The following AP3S1 variants were observed in gnomAD, a reference collection of about 807,000 sequenced individuals.
The protein encoded by AP3S1 is adaptor related protein complex 3 subunit sigma 1.
Under a neutral mutation model 21.3 loss-of-function variants are expected in AP3S1, and 12 were observed. The ratio of observed to expected loss-of-function variants is 0.56; its 90% CI spans 0.36 to 0.91. The LOEUF (loss-of-function observed/expected upper bound fraction) is 0.91, where lower values mean the gene tolerates loss of function less well. AP3S1 is among the 40% of genes least tolerant of loss of function. AP3S1 has a pLI of 0.01. For synonymous variants in AP3S1, 48 were observed against 78.4 expected (o/e 0.61, Z 2.05); for missense variants, 116 against 225.0 (o/e 0.52, Z 3.10).
chr5:115,851,898 T>A lies in AP3S1; in HGVS notation c.69+9792T>A, dbSNP rs535602118. On this transcript the variant is annotated intron_variant, in intron 1 of 5. Transcript: ENST00000316788. ...GTATCATACCCAGAAAATATTTTTT[T>A]AATTACTATATAATAGTACATTGTA... Among the ~76,000 whole-genome samples the A allele has an allele frequency of 2.6e-5, 4 of 152,232 alleles. No homozygotes were observed. In the East Asian group the frequency reaches 7.7e-4, roughly 29 times the overall value.
In AP3S1 at chr5:115,841,970, C is replaced by CCA; in HGVS notation, c.-68_-67insCA. 1.4e-6 allele frequency: 2 copies of CCA among 1,462,000 alleles called. No homozygotes were observed. Among genetic ancestry groups the CCA allele is most frequent in the Non-Finnish European group, 9.1e-7 (1 of 1,101,402 alleles). The allele number at this position is 1,462,000 out of a possible 1,614,324, so 90.6% of individuals were successfully genotyped here. On this transcript the variant is annotated 5_prime_UTR_variant, in exon 1 of 6. Coordinates refer to ENST00000316788, the MANE Select transcript of AP3S1 (RefSeq NM_001284.4). ...TGGGGAAGGATCGCAGGCGAGATTA[C>CCA]GAGGCGAGGCTCGCGCGCCCGCCCC...
intron 5 of AP3S1, among the ~76,000 whole-genome samples, chr5:115,910,265 TAAAAA>T (rs397884038): frequency 2.4e-5 from 3 of 125,142 alleles, no homozygotes; most frequent in Non-Finnish European, 5.1e-5. Flanking sequence ...CCCTGTCTCT[TAAAAA>T]AAAAAAAAAA....
chr5:115,899,630 A>G (rs1305427647), intron 4 of AP3S1, among the ~76,000 whole-genome samples: 1 of 152,168 alleles, frequency 6.6e-6, no homozygotes, highest in Non-Finnish European at 1.5e-5. Context: ...TAAGATTTGG[A>G]AAAGTCTTCT....
At position 115,847,657 on chromosome 5, in the gene AP3S1, A is replaced by G. The variant is rs149029287; in HGVS notation, c.69+5551A>G. On this transcript the variant is annotated intron_variant, in intron 1 of 5. Transcript: ENST00000316788. ...AATATATGTTTTTATTGAGGTATAGATGACAAAAAAAAATTACATATATTT... is the reference window on the plus strand; with the variant it reads ...AATATATGTTTTTATTGAGGTATAGGTGACAAAAAAAAATTACATATATTT... Among the ~76,000 whole-genome samples the G allele has an allele frequency of 4.6e-5, 7 of 152,306 alleles. 1 individual carries two copies. The East Asian group carries it at 1.3e-3, about 29-fold the overall frequency.
intron 3 of AP3S1, among the ~76,000 whole-genome samples, chr5:115,876,051 A>G (rs866536344): frequency 2.0e-5 from 3 of 152,140 alleles, no homozygotes; most frequent in African/African-American, 7.2e-5. Context: ...TCATGGCGTC[A>G]GGTTTAGAGT....
chr5:115,870,595 A>G (rs1001920867), intron 3 of AP3S1, among the ~76,000 whole-genome samples: 5 of 152,264 alleles, frequency 3.3e-5, no homozygotes, highest in Admixed American at 2.6e-4. Flanking sequence ...AGTAGTGGCC[A>G]TTTTCTCTCC....
Position 115,842,049 on chromosome 5 carries a change from G to C in AP3S1, c.12G>C (p.Ala4=). The C allele has an allele frequency of 6.3e-7, 1 of 1,592,386 alleles. No individual in the cohort carries two copies. Among genetic ancestry groups the C allele is most frequent in the Non-Finnish European group, 8.5e-7 (1 of 1,170,272 alleles). The change falls in exon 1 of 6, where the codon GCG becomes GCC. Residue 4 remains alanine, a synonymous_variant. Coordinates refer to ENST00000316788, the MANE Select transcript of AP3S1 (RefSeq NM_001284.4). Reference sequence around the variant, plus strand: ...GGCCCGGCACAGCCATGATCAAGGCGATCCTAATCTTCAACAACCACGGGA... The same window carrying C: ...GGCCCGGCACAGCCATGATCAAGGCCATCCTAATCTTCAACAACCACGGGA... MIK[A]ILIFNNHGKP...
At chr5:115,877,415 T>C (rs1438381260) in intron 3 of AP3S1, among the ~76,000 whole-genome samples, 2 of 152,154 alleles carry the variant, frequency 1.3e-5, no homozygotes, top group Non-Finnish European at 2.9e-5. Context: ...TGTGTTCTCA[T>C]TGTGCAACTC....
At chr5:115,886,861 C>A (rs1191639228) in intron 3 of AP3S1, among the ~76,000 whole-genome samples, 2 of 152,156 alleles carry the variant, frequency 1.3e-5, no homozygotes. Context: ...CTCTTAATTT[C>A]TCTATATTGA....
At position 115,896,711 on chromosome 5, in the gene AP3S1, T is replaced by C. The variant is rs183565472; in HGVS notation, c.345+1553T>C. Among the ~76,000 whole-genome samples, 390 of 152,208 alleles carry C rather than the reference T, an allele frequency of 2.6e-3. 3 individuals carry two copies. The highest frequency in any genetic ancestry group is 8.7e-3 in the African/African-American group (363 of 41,536). On this transcript the variant is annotated intron_variant, in intron 4 of 5. Transcript: ENST00000316788. The stretch of plus-strand genomic sequence containing the variant: ...AGAGGATCACCTGTGCCTGGGGAGG[T>C]TGAGGCTGTAGTGAGCCATGATTGT...
At chr5:115,878,634 G>A (rs1748976084) in intron 3 of AP3S1, among the ~76,000 whole-genome samples, 2 of 152,136 alleles carry the variant, frequency 1.3e-5, no homozygotes, top group Admixed American at 6.5e-5. Flanking sequence ...GTATTGTGAT[G>A]CCTTCAGCTT....
chr5:115,911,738 A>G (rs573709950), intron 5 of AP3S1, among the ~76,000 whole-genome samples: 2 of 151,684 alleles, frequency 1.3e-5, no homozygotes, highest in East Asian at 3.9e-4. Flanking sequence ...AATATTATAC[A>G]TGCTGCCTTA....
intron 3 of AP3S1, among the ~76,000 whole-genome samples, chr5:115,873,030 T>A (rs995058953): frequency 6.6e-6 from 1 of 152,168 alleles, no homozygotes; most frequent in Non-Finnish European, 1.5e-5. Context: ...CCATTTCAAA[T>A]TTAGTCTCTT....
At chr5:115,911,444 G>A (rs1018505425) in intron 5 of AP3S1, among the ~76,000 whole-genome samples, 7 of 151,866 alleles carry the variant, frequency 4.6e-5, no homozygotes, top group African/African-American at 1.2e-4. Flanking sequence ...TCTATAGTCA[G>A]TTCATTATTT....
chr5:115,857,350 C>T (rs1762872589), intron 1 of AP3S1, among the ~76,000 whole-genome samples: 1 of 152,142 alleles, frequency 6.6e-6, no homozygotes, highest in Non-Finnish European at 1.5e-5. Context: ...TGTATGAACT[C>T]AGTTCTCACA....
chr5:115,900,814 C>T (rs773005154), intron 4 of AP3S1, among the ~76,000 whole-genome samples: 3 of 152,148 alleles, frequency 2.0e-5, no homozygotes, highest in Non-Finnish European at 2.9e-5. Context: ...TGTATGTATA[C>T]ACGCACAGCT....
chr5:115,887,940 CTT>C (rs1161636803), intron 3 of AP3S1, among the ~76,000 whole-genome samples: 1 of 151,960 alleles, frequency 6.6e-6, no homozygotes, highest in Non-Finnish European at 1.5e-5. Flanking sequence ...AAGGAGGACT[CTT>C]TATATTTGGA....
intron 4 of AP3S1, 118 bp downstream of exon 4, chr5:115,895,276 ATT>A: frequency 4.5e-6 from 3 of 660,748 alleles, no homozygotes; most frequent in Non-Finnish European, 4.7e-6. Flanking sequence ...TCAATTCATA[ATT>A]TTTTTTTTAC....
intron 3 of AP3S1, among the ~76,000 whole-genome samples, chr5:115,875,667 C>T (rs1005716770): frequency 1.3e-5 from 2 of 152,158 alleles, no homozygotes; most frequent in East Asian, 1.9e-4. Context: ...CCTGGCCTAG[C>T]GAGCTTATTT....
Sources: allele counts gnomAD v4.1 joint callset (sites outside exome capture counted in the v4.1 genomes callset), GRCh38; gene constraint gnomAD v4.1.1; transcripts MANE v1.5; gene names NCBI Gene and HGNC (gene_info 2026-07-23, HGNC 2026-07-21).